Variants in HDAC8 observed in about 807,000 individuals in gnomAD.
HDAC8 encodes histone deacetylase 8.
A neutral mutation model predicts 32.2 loss-of-function variants in HDAC8; 1 was observed. The ratio of observed to expected loss-of-function variants is 0.03; its 90% CI spans 0.01 to 0.15. The LOEUF (loss-of-function observed/expected upper bound fraction) is 0.15. Ranked by LOEUF, HDAC8 falls within the 10% of genes least tolerant of loss-of-function variation. The pLI is 1.00. For missense variants in HDAC8, 117 were observed against 300.0 expected (o/e 0.39, Z 4.51); for synonymous variants, 108 against 113.9 (o/e 0.95, Z 0.33).
chrX:72,559,200 T>C (rs1276080357), intron 4 of HDAC8, among the ~76,000 whole-genome samples: 6 of 105,086 alleles, frequency 5.7e-5, no homozygotes, highest in Non-Finnish European at 9.8e-5. Context: ...GCCTGCCGAG[T>C]GCCTGGGATT....
intron 5 of HDAC8, among the ~76,000 whole-genome samples, chrX:72,493,053 G>C (rs905523028): frequency 9.0e-6 from 1 of 111,696 alleles, no homozygotes; most frequent in Non-Finnish European, 1.9e-5. Context: ...TTGAGCTGGA[G>C]TGGTCAGGGC....
intron 10 of HDAC8, among the ~76,000 whole-genome samples, chrX:72,334,536 A>G (rs781877473): frequency 4.5e-4 from 50 of 111,595 alleles, no homozygotes; most frequent in African/African-American, 1.6e-3. Flanking sequence ...GCCACTCACC[A>G]CTGTGCAGTC....
At chrX:72,490,353 C>T (rs1459215889) in intron 6 of HDAC8, among the ~76,000 whole-genome samples, 1 of 108,343 alleles carries the variant, frequency 9.2e-6, no homozygotes, top group Non-Finnish European at 1.9e-5. Flanking sequence ...GGAACCAACC[C>T]AAATGTCCAA....
intron 9 of HDAC8, among the ~76,000 whole-genome samples, chrX:72,409,075 G>A (rs1459973502): frequency 8.9e-6 from 1 of 112,234 alleles, no homozygotes; most frequent in Non-Finnish European, 1.9e-5. Context: ...TTTTCTACGT[G>A]TATATTCGTG....
intron 4 of HDAC8, among the ~76,000 whole-genome samples, chrX:72,503,054 T>C (rs1330820497): frequency 4.4e-5 from 5 of 112,545 alleles, no homozygotes; most frequent in East Asian, 2.8e-4. Context: ...TGAACTCTTA[T>C]TGTATTTTTC....
chrX:72,523,227 A>G (rs1366134433), intron 4 of HDAC8, among the ~76,000 whole-genome samples: 1 of 111,997 alleles, frequency 8.9e-6, no homozygotes, highest in African/African-American at 3.3e-5. Flanking sequence ...CCCACCAATA[A>G]ATATAAAACA....
chrX:72,389,957 A>AT (rs1369747129), intron 9 of HDAC8, among the ~76,000 whole-genome samples: 1 of 111,453 alleles, frequency 9.0e-6, no homozygotes, highest in Non-Finnish European at 1.9e-5. Context: ...ATTTTTTATT[A>AT]TTTTTTTAGT....
chrX:72,566,427 C>T (rs1328449431), intron 4 of HDAC8, among the ~76,000 whole-genome samples: 1 of 112,808 alleles, frequency 8.9e-6, no homozygotes, highest in Non-Finnish European at 1.9e-5. Context: ...ATTACTAAAA[C>T]ATTGGTTTCC....
intron 9 of HDAC8, among the ~76,000 whole-genome samples, chrX:72,426,643 G>T (rs985897210): frequency 9.0e-6 from 1 of 111,222 alleles, no homozygotes; most frequent in Admixed American, 9.5e-5. Flanking sequence ...GTGCAAAATG[G>T]CATTTATCAT....
chrX:72,548,099 C>T (rs1556060331), intron 4 of HDAC8, among the ~76,000 whole-genome samples: 1 of 112,017 alleles, frequency 8.9e-6, no homozygotes, highest in East Asian at 2.8e-4. Context: ...TGCAATCCAT[C>T]TGCTATAACT....
At chrX:72,407,405 TCTCA>T (rs2046073051) in intron 9 of HDAC8, among the ~76,000 whole-genome samples, 1 of 112,278 alleles carries the variant, frequency 8.9e-6, no homozygotes, top group Non-Finnish European at 1.9e-5. Context: ...CTAGAAGGAC[TCTCA>T]CTCTGCTGAG....
chrX:72,485,737 G>A (rs2048650215), intron 7 of HDAC8, among the ~76,000 whole-genome samples: 1 of 111,964 alleles, frequency 8.9e-6, no homozygotes, highest in African/African-American at 3.2e-5. Flanking sequence ...ATAAAAATGA[G>A]AGCATCTTAT....
At chrX:72,377,053 A>G (rs2045103617) in intron 9 of HDAC8, 1 of 110,564 alleles carries the variant, frequency 9.0e-6, no homozygotes, top group Non-Finnish European at 1.9e-5. Context: ...TCCTTATTCC[A>G]TCTCCCTGCT....
At chrX:72,447,860 A>T (rs2047455713) in intron 9 of HDAC8, among the ~76,000 whole-genome samples, 1 of 111,775 alleles carries the variant, frequency 8.9e-6, no homozygotes, top group South Asian at 3.8e-4. Flanking sequence ...TAAAATACCT[A>T]GGAATACAAC....
chrX:72,510,210 A>T (rs1340984411), intron 4 of HDAC8, among the ~76,000 whole-genome samples: 3 of 112,164 alleles, frequency 2.7e-5, no homozygotes, highest in Non-Finnish European at 5.6e-5. Flanking sequence ...TGGATTTAGA[A>T]TTTACATAGG....
chrX:72,334,827 T>C (rs982762162), intron 10 of HDAC8, among the ~76,000 whole-genome samples: 10 of 111,655 alleles, frequency 9.0e-5, no homozygotes, highest in Non-Finnish European at 1.7e-4. Context: ...CAATAAACTA[T>C]ACTGTTACTC....
At chrX:72,499,119 C>T (rs2049126104) in intron 4 of HDAC8, among the ~76,000 whole-genome samples, 1 of 111,823 alleles carries the variant, frequency 8.9e-6, no homozygotes, top group South Asian at 3.8e-4. Flanking sequence ...GAAGCCCTCA[C>T]CAGAAGCAGA....
intron 4 of HDAC8, among the ~76,000 whole-genome samples, chrX:72,499,933 AATG>A (rs1430657313): frequency 8.9e-6 from 1 of 111,752 alleles, no homozygotes; most frequent in Non-Finnish European, 1.9e-5. Context: ...CACAATTAGA[AATG>A]ATGAAGGGAA....
chrX:72,464,800 A>G, intron 7 of HDAC8, 69 bp from the exon 8 acceptor site: 12 of 724,912 alleles, frequency 1.7e-5, no homozygotes, highest in Non-Finnish European at 1.9e-5. Context: ...TGGTAGGGCA[A>G]GTTGGAGGTA....
Sources: allele counts gnomAD v4.1 joint callset (sites outside exome capture counted in the v4.1 genomes callset), GRCh38; gene constraint gnomAD v4.1.1; transcripts MANE v1.5; gene names NCBI Gene and HGNC (gene_info 2026-07-23, HGNC 2026-07-21).